Variants in SGCG observed in about 807,000 individuals in gnomAD.
SGCG encodes the protein gamma-sarcoglycan.
In SGCG, 26 loss-of-function variants were observed where a neutral mutation model predicts 29.3. The ratio of observed to expected loss-of-function variants is 0.89; its 90% confidence interval spans 0.65 to 1.23. The LOEUF is 1.23. Ranked by LOEUF, SGCG falls within the 50% of genes most tolerant of loss-of-function variation. SGCG has a pLI of 0.00. For missense variants in SGCG, 353 were observed against 356.0 expected (o/e 0.99, Z 0.07); for synonymous variants, 145 against 129.7 (o/e 1.12, Z -0.80).
chr13:23,173,375 G>C, the SGCG span, among the ~76,000 whole-genome samples: 2 of 152,080 alleles, frequency 1.3e-5, no homozygotes, highest in Non-Finnish European at 2.9e-5. Context: ...ACTTTTCTTG[G>C]GAAGAAAAAT....
At chr13:23,164,107 CT>C in the SGCG span, among the ~76,000 whole-genome samples, 1 of 152,114 alleles carries the variant, frequency 6.6e-6, no homozygotes, top group Non-Finnish European at 1.5e-5. Flanking sequence ...GTTTTCCTGT[CT>C]TTTTTCTTTA....
chr13:23,247,604 T>C (rs1879764612), intron 3 of SGCG, among the ~76,000 whole-genome samples: 1 of 151,982 alleles, frequency 6.6e-6, no homozygotes, highest in East Asian at 1.9e-4. Flanking sequence ...AAAAGTGAGG[T>C]AGGTGATTTG....
intron 6 of SGCG, among the ~76,000 whole-genome samples, chr13:23,299,176 G>A (rs1373962178): frequency 6.6e-6 from 1 of 151,682 alleles, no homozygotes; most frequent in Non-Finnish European, 1.5e-5. Flanking sequence ...ATCCAGCTTT[G>A]ACTCCAGAGC....
At chr13:23,283,430 G>A (rs905191664) in intron 5 of SGCG, among the ~76,000 whole-genome samples, 2 of 152,196 alleles carry the variant, frequency 1.3e-5, no homozygotes, top group African/African-American at 2.4e-5. Flanking sequence ...TCAGAGACTA[G>A]GAATGTAATC....
chr13:23,260,183 C>T (rs1880369310), intron 4 of SGCG, among the ~76,000 whole-genome samples: 1 of 152,110 alleles, frequency 6.6e-6, no homozygotes, highest in African/African-American at 2.4e-5. Flanking sequence ...GAGTCTAAGT[C>T]TCTTTATGTA....
At chr13:23,279,651 C>G (rs753495894) in intron 5 of SGCG, among the ~76,000 whole-genome samples, 173 bp downstream of exon 5, 3 of 151,714 alleles carry the variant, frequency 2.0e-5, no homozygotes, top group Non-Finnish European at 4.4e-5. Flanking sequence ...CCTAGAAGAA[C>G]AAAATCCTCC....
At chr13:23,273,126 T>G (rs1880929569) in intron 4 of SGCG, among the ~76,000 whole-genome samples, 1 of 152,150 alleles carries the variant, frequency 6.6e-6, no homozygotes, top group South Asian at 2.1e-4. Flanking sequence ...TCCTTCCTTG[T>G]GCTTTCTTTT....
At chr13:23,314,431 A>G (rs1233904429) in intron 6 of SGCG, among the ~76,000 whole-genome samples, 1 of 101,568 alleles carries the variant, frequency 9.8e-6, no homozygotes, top group Non-Finnish European at 2.0e-5. Context: ...CCCTAATAAG[A>G]TATGTATATA....
intron 1 of SGCG, among the ~76,000 whole-genome samples, chr13:23,198,244 T>A (rs1193556171): frequency 6.6e-6 from 1 of 151,644 alleles, no homozygotes; most frequent in African/African-American, 2.4e-5. Flanking sequence ...TCTTTGTGTC[T>A]CAGACTCTTG....
At chr13:23,306,271 T>A (rs2031643) in intron 6 of SGCG, among the ~76,000 whole-genome samples, 14,003 of 152,244 alleles carry the variant, frequency 0.092, 694 homozygotes, top group South Asian at 0.13. Flanking sequence ...ATTGGGATGT[T>A]CTGGTCTCTA....
intron 1 of SGCG, among the ~76,000 whole-genome samples, 187 bp from the exon 2 acceptor site, chr13:23,203,507 AT>A (rs1877851503): frequency 1.3e-5 from 2 of 152,240 alleles, no homozygotes; most frequent in Non-Finnish European, 2.9e-5. Flanking sequence ...TCTCCCTGTG[AT>A]TGAAACACAG....
At chr13:23,289,341 T>G (rs9552910) in intron 5 of SGCG, among the ~76,000 whole-genome samples, 18 of 152,206 alleles carry the variant, frequency 1.2e-4, no homozygotes, top group African/African-American at 4.1e-4. Context: ...TCCAGGTTGT[T>G]GATTAATTTA....
chr13:23,172,737 T>G, the SGCG span, among the ~76,000 whole-genome samples: 1 of 152,346 alleles, frequency 6.6e-6, no homozygotes, highest in East Asian at 1.9e-4. Context: ...ACTCAGTCTC[T>G]GCCATCAAAC....
intron 2 of SGCG, among the ~76,000 whole-genome samples, chr13:23,204,477 A>G (rs952544335): frequency 4.6e-5 from 7 of 152,218 alleles, no homozygotes; most frequent in Non-Finnish European, 1.0e-4. Flanking sequence ...AGAATGTCTT[A>G]ATTTTACAAG....
intron 5 of SGCG, among the ~76,000 whole-genome samples, chr13:23,291,185 T>G (rs899589593): frequency 2.6e-5 from 4 of 152,210 alleles, no homozygotes; most frequent in Non-Finnish European, 5.9e-5. Context: ...GACTAGGCTT[T>G]CTTTTATTTT....
intron 6 of SGCG, among the ~76,000 whole-genome samples, chr13:23,316,323 T>C (rs1882808775): frequency 6.6e-6 from 1 of 152,216 alleles, no homozygotes; most frequent in Admixed American, 6.5e-5. Context: ...TGTAGACTCA[T>C]GGAATGCCTT....
At chr13:23,198,874 C>T (rs1467457785) in intron 1 of SGCG, among the ~76,000 whole-genome samples, 3 of 142,030 alleles carry the variant, frequency 2.1e-5, no homozygotes, top group Non-Finnish European at 3.0e-5. Context: ...TTTGGGAGGC[C>T]GAGGCAGGCG....
At chr13:23,189,429 G>A (rs1440956526) in intron 1 of SGCG, among the ~76,000 whole-genome samples, 2 of 152,250 alleles carry the variant, frequency 1.3e-5, no homozygotes, top group African/African-American at 4.8e-5. Context: ...CACCTGCCTT[G>A]GCCTCCAAAG....
chr13:23,285,255 T>C (rs1351787522), intron 5 of SGCG, among the ~76,000 whole-genome samples: 1 of 152,178 alleles, frequency 6.6e-6, no homozygotes, highest in East Asian at 1.9e-4. Flanking sequence ...GGGAGTTTTA[T>C]CTATAACTCC....
Sources: allele counts gnomAD v4.1 joint callset (sites outside exome capture counted in the v4.1 genomes callset), GRCh38; gene constraint gnomAD v4.1.1; transcripts MANE v1.5; gene names NCBI Gene and HGNC (gene_info 2026-07-23, HGNC 2026-07-21).